Variants in PAK5 observed in about 807,000 individuals in gnomAD.
PAK5 encodes the protein p21 (RAC1) activated kinase 5, also known as serine/threonine-protein kinase PAK 5.
Under a neutral mutation model 65.9 loss-of-function variants are expected in PAK5, and 16 were observed. The observed-to-expected ratio is 0.24, with a 90% CI of 0.16 to 0.37. The LOEUF (loss-of-function observed/expected upper bound fraction) is 0.37. Among genes scored for constraint, PAK5 ranks in the 10% least tolerant of loss-of-function variants. PAK5 has a pLI of 1.00. For synonymous variants in PAK5, 371 were observed against 354.9 expected, an observed-to-expected ratio of 1.05 and a Z score of -0.51; for missense variants, 785 against 903.9, an observed-to-expected ratio of 0.87 and a Z score of 1.69.
At chr20:9,824,946 G>C (rs1344944977) in intron 1 of PAK5, among the ~76,000 whole-genome samples, 2 of 152,094 alleles carry the variant, frequency 1.3e-5, no homozygotes, top group African/African-American at 4.8e-5. Context: ...CTGCTGAATG[G>C]GTGAGTGACT....
At chr20:9,545,725 T>C (rs976454288) in intron 7 of PAK5, among the ~76,000 whole-genome samples, 2 of 152,166 alleles carry the variant, frequency 1.3e-5, no homozygotes, top group African/African-American at 4.8e-5. Flanking sequence ...TGCTCCTCCA[T>C]TCAAAGCCTG....
At chr20:9,629,316 C>T (rs1488707404) in intron 3 of PAK5, among the ~76,000 whole-genome samples, 2 of 152,084 alleles carry the variant, frequency 1.3e-5, no homozygotes, top group East Asian at 3.9e-4. Flanking sequence ...GCTTTTGATA[C>T]CTGGAAGTGG....
At chr20:9,700,572 C>T (rs1331023310) in intron 2 of PAK5, among the ~76,000 whole-genome samples, 1 of 152,078 alleles carries the variant, frequency 6.6e-6, no homozygotes, top group African/African-American at 2.4e-5. Flanking sequence ...CTTAGGGGGG[C>T]TATTGCTGGA....
chr20:9,544,245 T>G, intron 8 of PAK5, 124 bp downstream of exon 8: 1 of 1,038,792 alleles, frequency 9.6e-7, no homozygotes, highest in East Asian at 2.4e-5. Context: ...ATCTAGTGAG[T>G]GGGGATCAAA....
At chr20:9,559,029 C>T (rs539674348) in intron 6 of PAK5, among the ~76,000 whole-genome samples, 28 of 152,292 alleles carry the variant, frequency 1.8e-4, no homozygotes, top group Admixed American at 1.5e-3. Flanking sequence ...CCCACACTGC[C>T]CTCACCACTT....
intron 1 of PAK5, among the ~76,000 whole-genome samples, chr20:9,727,487 C>A (rs959120934): frequency 1.3e-5 from 2 of 152,138 alleles, no homozygotes; most frequent in Non-Finnish European, 2.9e-5. Context: ...CTGCTCTCTA[C>A]AAACTTTGTC....
intron 1 of PAK5, among the ~76,000 whole-genome samples, chr20:9,731,912 T>C (rs1600299765): frequency 6.6e-6 from 1 of 152,136 alleles, no homozygotes; most frequent in Non-Finnish European, 1.5e-5. Context: ...CATAATAATA[T>C]AGAAAGTCTG....
chr20:9,560,795 C>T (rs1233929927), intron 6 of PAK5, among the ~76,000 whole-genome samples: 1 of 152,180 alleles, frequency 6.6e-6, no homozygotes, highest in Non-Finnish European at 1.5e-5. Context: ...ACTTTCCCTT[C>T]CCTTCTATAA....
chr20:9,836,024 G>T (rs984818039), intron 1 of PAK5, among the ~76,000 whole-genome samples: 4 of 152,254 alleles, frequency 2.6e-5, no homozygotes, highest in Middle Eastern at 6.8e-3. Context: ...CCAGGTCCTG[G>T]GTTGTCTTGG....
intron 2 of PAK5, among the ~76,000 whole-genome samples, chr20:9,690,019 AC>A (rs769726513): frequency 1.3e-5 from 2 of 152,222 alleles, no homozygotes; most frequent in Non-Finnish European, 2.9e-5. Context: ...TTTGAAAAAA[AC>A]ATACACCTCT....
chr20:9,808,872 A>T (rs764261124), intron 1 of PAK5, among the ~76,000 whole-genome samples: 7 of 152,288 alleles, frequency 4.6e-5, no homozygotes, highest in Admixed American at 1.3e-4. Context: ...ATGCAATATG[A>T]ATATAACTCA....
chr20:9,633,763 C>T (rs1019223720), intron 3 of PAK5, among the ~76,000 whole-genome samples: 1 of 152,152 alleles, frequency 6.6e-6, no homozygotes, highest in Admixed American at 6.5e-5. Flanking sequence ...TCACTTCCTC[C>T]CAGGAGTTAC....
chr20:9,789,055 G>A (rs1408030915), intron 1 of PAK5, among the ~76,000 whole-genome samples: 1 of 152,178 alleles, frequency 6.6e-6, no homozygotes, highest in Non-Finnish European at 1.5e-5. Context: ...TGTGAAGAGG[G>A]TTCCTAGCTG....
At chr20:9,721,588 G>C in intron 1 of PAK5, among the ~76,000 whole-genome samples, 1 of 149,506 alleles carries the variant, frequency 6.7e-6, no homozygotes, top group East Asian at 2.0e-4. Context: ...GGGAGGAGGA[G>C]GTTGCAGTGA....
In PAK5 at chr20:9,615,628, C is replaced by A. The variant is rs73895927; in HGVS notation, c.204+28497G>T. On this transcript the variant is annotated intron_variant, in intron 3 of 9. Transcript: ENST00000353224. ...TAAAAACTATAACAAAAACCACCAA[C>A]CAAAGTGTGTTCCAGTTACTGCTGC... 6.2e-3 allele frequency among the ~76,000 whole-genome samples: 940 copies of A among 152,332 alleles called. 13 individuals carry two copies. Among genetic ancestry groups the A allele is most frequent in the African/African-American group, 0.021 (880 of 41,564 alleles).
At chr20:9,767,262 G>C (rs993329815) in intron 1 of PAK5, among the ~76,000 whole-genome samples, 9 of 152,194 alleles carry the variant, frequency 5.9e-5, no homozygotes, top group Non-Finnish European at 1.0e-4. Context: ...GATCATAAAG[G>C]AGAATAATTA....
At chr20:9,651,190 T>C (rs1329763191) in intron 2 of PAK5, among the ~76,000 whole-genome samples, 1 of 152,194 alleles carries the variant, frequency 6.6e-6, no homozygotes, top group Non-Finnish European at 1.5e-5. Flanking sequence ...TCCTTTTGCC[T>C]CAGTATCCTA....
chr20:9,637,944 T>C (rs970242298), intron 3 of PAK5, among the ~76,000 whole-genome samples: 1 of 152,166 alleles, frequency 6.6e-6, no homozygotes, highest in African/African-American at 2.4e-5. Context: ...GAAAGGGTGA[T>C]CATTATGTTG....
At chr20:9,573,900 A>G (rs972909377) in intron 4 of PAK5, among the ~76,000 whole-genome samples, 24 of 152,184 alleles carry the variant, frequency 1.6e-4, no homozygotes, top group African/African-American at 5.8e-4. Context: ...AGAGCACAAT[A>G]AAACAAAGAC....
Sources: gnomAD v4.1 joint callset for allele counts (sites outside exome capture counted in the v4.1 genomes callset) on GRCh38, gnomAD v4.1.1 for gene constraint, MANE v1.5 for transcripts, NCBI Gene and HGNC (gene_info 2026-07-23, HGNC 2026-07-21) for gene names.